TMCC1: variants seen among roughly 807,000 people sequenced by gnomAD.
TMCC1 encodes the protein transmembrane and coiled-coil domains protein 1.
In TMCC1, 15 loss-of-function variants were observed where a neutral mutation model predicts 52.4. The observed-to-expected ratio is 0.29, with a 90% CI of 0.19 to 0.44. The LOEUF is 0.44. Among genes scored for constraint, TMCC1 ranks in the 20% least tolerant of loss-of-function variants. TMCC1 has a pLI of 1.00. For synonymous variants in TMCC1, 279 were observed against 301.9 expected (o/e 0.92, Z 0.79); for missense variants, 503 against 806.0 (o/e 0.62, Z 4.55).
chr3:129,651,918 G>C lies in TMCC1; in HGVS notation c.1648-123C>G. On this transcript the variant is annotated intron_variant, in intron 6 of 6. Coordinates refer to ENST00000393238, the MANE Select transcript of TMCC1 (RefSeq NM_001017395.5). The surrounding 1 kb of genome is among the most constrained non-coding windows in gnomAD (Gnocchi z 5.1). ...CCAATGATTTTATAAATATGCTGGA[G>C]CCTTGAATGAATGTAAAAGGCTAGA... 9.9e-7 allele frequency: 1 copy of C among 1,010,842 alleles called. No homozygotes were observed. Among genetic ancestry groups the C allele is most frequent in the Non-Finnish European group, 1.4e-6 (1 of 734,372 alleles). 62.6% of individuals were successfully genotyped at this position (1,010,842 alleles called of 1,614,324 possible).
intron 4 of TMCC1, among the ~76,000 whole-genome samples, chr3:129,786,391 A>C (rs1422048855): frequency 6.6e-6 from 1 of 152,172 alleles, no homozygotes; most frequent in South Asian, 2.1e-4. Flanking sequence ...GAATTCCTCC[A>C]GGAGTATGCA....
chr3:129,762,157 T>G (rs1488790795), intron 4 of TMCC1, among the ~76,000 whole-genome samples: 1 of 151,876 alleles, frequency 6.6e-6, no homozygotes, highest in East Asian at 1.9e-4. Flanking sequence ...CCCACTTCAG[T>G]GTCCCGAGTA....
intron 5 of TMCC1, among the ~76,000 whole-genome samples, chr3:129,666,754 CA>C (rs2087489008): frequency 6.7e-6 from 1 of 149,358 alleles, no homozygotes; most frequent in Admixed American, 6.7e-5. Context: ...AAACAAAGAA[CA>C]AAAAAACAAA....
chr3:129,878,854 A>C (rs1375316577), intron 2 of TMCC1, among the ~76,000 whole-genome samples: 1 of 152,186 alleles, frequency 6.6e-6, no homozygotes, highest in Non-Finnish European at 1.5e-5. Flanking sequence ...TGAAGTTTGA[A>C]AAGCACTTCC....
intron 1 of TMCC1, among the ~76,000 whole-genome samples, chr3:129,887,877 T>G (rs1174178238): frequency 6.6e-6 from 1 of 152,130 alleles, no homozygotes; most frequent in Non-Finnish European, 1.5e-5. Flanking sequence ...AAGAATAAAC[T>G]TTAATGTGTG....
chr3:129,786,547 A>C (rs887714272), intron 4 of TMCC1, among the ~76,000 whole-genome samples: 1 of 152,114 alleles, frequency 6.6e-6, no homozygotes, highest in Non-Finnish European at 1.5e-5. Context: ...CTAAAATCCT[A>C]TTTCCTCTGT....
intron 4 of TMCC1, among the ~76,000 whole-genome samples, chr3:129,718,225 C>A (rs1420407233): frequency 1.3e-5 from 2 of 152,122 alleles, no homozygotes; most frequent in Non-Finnish European, 2.9e-5. Flanking sequence ...CATTTGCAGT[C>A]AAGAGAAATG....
At chr3:129,780,265 C>T (rs2055412350) in intron 4 of TMCC1, among the ~76,000 whole-genome samples, 1 of 152,082 alleles carries the variant, frequency 6.6e-6, no homozygotes, top group African/African-American at 2.4e-5. Context: ...TTTAAGCATA[C>T]CATTTCACAT....
At chr3:129,794,262 A>G (rs779709296) in intron 4 of TMCC1, 30 of 454,594 alleles carry the variant, frequency 6.6e-5, no homozygotes, top group Non-Finnish European at 1.2e-4. Flanking sequence ...CCAGAGAAAA[A>G]GGAACCATGC....
chr3:129,864,685 A>G (rs1310924323), intron 2 of TMCC1, among the ~76,000 whole-genome samples: 1 of 152,168 alleles, frequency 6.6e-6, no homozygotes, highest in Non-Finnish European at 1.5e-5. Context: ...CAAGGCTGCA[A>G]AGAGCTGAGA....
chr3:129,870,164 T>C (rs1303773141), intron 2 of TMCC1, among the ~76,000 whole-genome samples: 2 of 152,098 alleles, frequency 1.3e-5, no homozygotes, highest in African/African-American at 2.4e-5. Flanking sequence ...CATGTACCTA[T>C]CTAGTATTCT....
intron 4 of TMCC1, among the ~76,000 whole-genome samples, chr3:129,675,704 C>T (rs549416948): frequency 1.3e-5 from 2 of 152,204 alleles, no homozygotes; most frequent in African/African-American, 4.8e-5. Context: ...TAGTTGGCCT[C>T]GTGGCTATAC....
At chr3:129,737,407 G>A (rs1168378029) in intron 4 of TMCC1, among the ~76,000 whole-genome samples, 1 of 151,970 alleles carries the variant, frequency 6.6e-6, no homozygotes, top group Non-Finnish European at 1.5e-5. Flanking sequence ...TTGAACCCAG[G>A]AAGCGGAGGT....
rs555213104 is a variant in TMCC1, at chr3:129,817,843, T to C, written c.576+9960A>G. Among the ~76,000 whole-genome samples, 73 of 152,034 alleles carry C rather than the reference T, an allele frequency of 4.8e-4. 2 individuals carry two copies. In the South Asian group the frequency reaches 8.7e-3, roughly 18 times the overall value. On this transcript the variant is annotated intron_variant, in intron 4 of 6. Coordinates refer to ENST00000393238, the MANE Select transcript of TMCC1 (RefSeq NM_001017395.5). ...TTTTTTCTTTTTTGAGATGGAGTCT[T>C]GGTCTGTCACCCAGGCTAGAGTGCA...
intron 4 of TMCC1, among the ~76,000 whole-genome samples, chr3:129,822,235 A>G (rs910120565): frequency 2.0e-5 from 3 of 152,182 alleles, no homozygotes; most frequent in Admixed American, 6.5e-5. Flanking sequence ...AGTATTTGAT[A>G]TCTACTGTTA....
intron 1 of TMCC1, chr3:129,892,658 G>A (rs2062023767): frequency 1.3e-5 from 2 of 152,140 alleles, no homozygotes; most frequent in Admixed American, 1.3e-4. Context: ...AAAGCCAACG[G>A]GCGTTGCGGG....
At chr3:129,686,657 A>G (rs1250730797) in intron 4 of TMCC1, among the ~76,000 whole-genome samples, 1 of 152,222 alleles carries the variant, frequency 6.6e-6, no homozygotes, top group Non-Finnish European at 1.5e-5. Context: ...AAAAACCAGT[A>G]ACCAAACAAT....
chr3:129,741,025 T>A (rs2051410458), intron 4 of TMCC1, among the ~76,000 whole-genome samples: 1 of 152,216 alleles, frequency 6.6e-6, no homozygotes, highest in African/African-American at 2.4e-5. Flanking sequence ...TAAGCTTTCA[T>A]ATGTCTAATA....
intron 2 of TMCC1, among the ~76,000 whole-genome samples, chr3:129,846,868 A>T (rs1057272628): frequency 4.3e-3 from 4 of 926 alleles, no homozygotes; most frequent in South Asian, 0.091. Context: ...AATCTCTACT[A>T]AAAAAAAAAA....
Sources: gnomAD v4.1 joint callset for allele counts (sites outside exome capture counted in the v4.1 genomes callset) on GRCh38, gnomAD v4.1.1 for gene constraint, Gnocchi (gnomAD v3.1) non-coding constraint, MANE v1.5 for transcripts, NCBI Gene and HGNC (gene_info 2026-07-23, HGNC 2026-07-21) for gene names.